PSD2: variants seen among roughly 807,000 people sequenced by gnomAD.
PSD2 encodes PH and SEC7 domain-containing protein 2.
Under a neutral mutation model 69.8 loss-of-function variants are expected in PSD2, and 38 were observed. That is an observed-to-expected ratio of 0.54 (90% CI 0.42 to 0.71). PSD2 has a LOEUF of 0.71. PSD2 is among the 30% of genes least tolerant of loss of function. The pLI is 0.00. For synonymous variants in PSD2, 412 were observed against 423.0 expected (o/e 0.97, Z 0.32); for missense variants, 943 against 1,014.5 (o/e 0.93, Z 0.96).
chr5:139,794,629 A>T (rs1202984419), upstream of PSD2, among the ~76,000 whole-genome samples: 1 of 152,210 alleles, frequency 6.6e-6, no homozygotes, highest in African/African-American at 2.4e-5. Flanking sequence ...CACCGGGCAG[A>T]GTGTGGATCA....
chr5:139,802,726 A>T (rs1759706145), intron 1 of PSD2, among the ~76,000 whole-genome samples: 1 of 152,138 alleles, frequency 6.6e-6, no homozygotes, highest in Non-Finnish European at 1.5e-5. Context: ...TGTGGATTTC[A>T]TTAGTGTTAA....
intron 13 of PSD2, 42 bp downstream of exon 13, chr5:139,838,814 A>G (rs1038123787): frequency 6.3e-6 from 10 of 1,592,738 alleles, no homozygotes; most frequent in Non-Finnish European, 8.6e-6. Flanking sequence ...CCAGGCTGCC[A>G]TCCTCAGCCC....
intron 5 of PSD2, among the ~76,000 whole-genome samples, chr5:139,821,270 G>A (rs1760253638): frequency 6.6e-6 from 1 of 152,226 alleles, no homozygotes; most frequent in African/African-American, 2.4e-5. Flanking sequence ...TCCTGCCTAT[G>A]TGTGTATTTA....
intron 7 of PSD2, among the ~76,000 whole-genome samples, chr5:139,830,345 CTTT>C (rs755605094): frequency 1.7e-5 from 2 of 116,548 alleles, no homozygotes; most frequent in Non-Finnish European, 3.6e-5. Flanking sequence ...TGATAGTGTT[CTTT>C]TTTTTTTTTT....
chr5:139,833,766 A>G lies in PSD2; in HGVS notation c.1334A>G (p.Gln445Arg). 2 of 1,613,998 alleles carry G rather than the reference A, an allele frequency of 1.2e-6. No homozygotes were observed. The highest frequency in any genetic ancestry group is 1.1e-5 in the South Asian group (1 of 91,078). ...AACTTGGACCAGCTGAATGATGGCC[A>G]AGACTTTGCCAAAGACCTGCTGAAG... Reference protein sequence around the residue: ...IANLDQLNDGQDFAKDLLKTL... With the variant: ...IANLDQLNDGRDFAKDLLKTL... The change falls in exon 8 of 15, where the codon CAA (glutamine) becomes CGA (arginine). Residue 445 changes from glutamine (Q) to arginine (R), a missense_variant. Physicochemically the swap from Gln to Arg is conservative, Grantham distance 43. Transcript: ENST00000274710.
At chr5:139,760,269 G>A in the PSD2 span, among the ~76,000 whole-genome samples, 190 of 152,332 alleles carry the variant, frequency 1.2e-3, 1 homozygote, top group Middle Eastern at 0.01. Flanking sequence ...GGTGCTGTGT[G>A]ACCTCTGGTA....
chr5:139,815,456 C>T (rs921834307), intron 4 of PSD2, among the ~76,000 whole-genome samples: 1 of 152,214 alleles, frequency 6.6e-6, no homozygotes, highest in African/African-American at 2.4e-5. Context: ...CCCACTTCCT[C>T]CTCTAGCCAA....
chr5:139,787,949 G>C, the PSD2 span, among the ~76,000 whole-genome samples: 1 of 152,236 alleles, frequency 6.6e-6, no homozygotes, highest in African/African-American at 2.4e-5. Flanking sequence ...GCGGGATCCC[G>C]ACGCGCAGGC....
the PSD2 span, among the ~76,000 whole-genome samples, chr5:139,766,921 C>T: frequency 0.09 from 2,794 of 31,172 alleles, 355 homozygotes; most frequent in Non-Finnish European, 0.11. Flanking sequence ...TCCTTCCTTC[C>T]TTCCTTCCCT....
At chr5:139,767,262 G>A in the PSD2 span, among the ~76,000 whole-genome samples, 1 of 151,350 alleles carries the variant, frequency 6.6e-6, no homozygotes, top group East Asian at 2.0e-4. Flanking sequence ...CAAAGTGCTG[G>A]GATTACAGGC....
At chr5:139,746,019 A>T in the PSD2 span, among the ~76,000 whole-genome samples, 1 of 152,144 alleles carries the variant, frequency 6.6e-6, no homozygotes. This position sits in a 1 kb window ranked among gnomAD's most constrained non-coding sequence, Gnocchi z 4.5. Flanking sequence ...ACGTCTAGGT[A>T]TCAGGGGTGG....
the PSD2 span, among the ~76,000 whole-genome samples, chr5:139,755,633 T>C: frequency 2.0e-5 from 2 of 97,630 alleles, no homozygotes; most frequent in African/African-American, 9.0e-5. Flanking sequence ...TCTGCGGCCC[T>C]GCTGTGTGTG....
chr5:139,824,014 A>G (rs1288267247), intron 7 of PSD2, among the ~76,000 whole-genome samples: 1 of 152,198 alleles, frequency 6.6e-6, no homozygotes, highest in African/African-American at 2.4e-5. Context: ...GGAACAAGAG[A>G]GAAGACGCAT....
At chr5:139,773,786 A>G in the PSD2 span, among the ~76,000 whole-genome samples, 1 of 152,320 alleles carries the variant, frequency 6.6e-6, no homozygotes, top group Admixed American at 6.5e-5. Flanking sequence ...ATGTAGGGGT[A>G]TAAGCATATC....
At chr5:139,766,633 G>T in the PSD2 span, among the ~76,000 whole-genome samples, 1 of 152,172 alleles carries the variant, frequency 6.6e-6, no homozygotes, top group African/African-American at 2.4e-5. Flanking sequence ...GCCCCACCTC[G>T]ATGGATTAAT....
chr5:139,771,480 G>A, the PSD2 span, among the ~76,000 whole-genome samples: 1 of 152,028 alleles, frequency 6.6e-6, no homozygotes, highest in Non-Finnish European at 1.5e-5. Flanking sequence ...CTGGGTTCAC[G>A]CCATTCTCCT....
At chr5:139,774,087 A>C in the PSD2 span, among the ~76,000 whole-genome samples, 1 of 151,654 alleles carries the variant, frequency 6.6e-6, no homozygotes, top group Non-Finnish European at 1.5e-5. Flanking sequence ...CAGCCTCCTA[A>C]AGTGTGGGAT....
the PSD2 span, among the ~76,000 whole-genome samples, chr5:139,777,135 G>A: frequency 6.6e-6 from 1 of 152,174 alleles, no homozygotes; most frequent in Non-Finnish European, 1.5e-5. Context: ...TCCAGCTTAA[G>A]TGGTGCCAGT....
In PSD2 at chr5:139,832,026, G is replaced by C. The variant is rs1338415417; in HGVS notation, c.1270-1676G>C. On this transcript the variant is annotated intron_variant, in intron 7 of 14. Coordinates refer to ENST00000274710, the MANE Select transcript of PSD2 (RefSeq NM_032289.4). ...CGGGGAGGAATGCTGCTCTTTCTGGGGTCACCTCTCCACACTCCCCTGCAG... is the reference window on the plus strand; with the variant it reads ...CGGGGAGGAATGCTGCTCTTTCTGGCGTCACCTCTCCACACTCCCCTGCAG... Among the ~76,000 whole-genome samples, 12 of 151,942 alleles carry C rather than the reference G, an allele frequency of 7.9e-5. 1 individual carries two copies. Among genetic ancestry groups the C allele is most frequent in the Admixed American group, 7.9e-4 (12 of 15,258 alleles).
Sources: allele counts gnomAD v4.1 joint callset (sites outside exome capture counted in the v4.1 genomes callset), GRCh38; gene constraint gnomAD v4.1.1; non-coding constraint Gnocchi (gnomAD v3.1); transcripts MANE v1.5; gene names NCBI Gene and HGNC (gene_info 2026-07-23, HGNC 2026-07-21).